The following CA10 variants were observed in gnomAD, a reference collection of about 807,000 sequenced individuals.
The protein encoded by CA10 is carbonic anhydrase 10 (inactive).
A neutral mutation model predicts 44.2 loss-of-function variants in CA10; 14 were observed. The ratio of observed to expected loss-of-function variants is 0.32; its 90% CI spans 0.21 to 0.50. The LOEUF (loss-of-function observed/expected upper bound fraction) is 0.50. Among genes scored for constraint, CA10 ranks in the 20% least tolerant of loss-of-function variants. The probability of loss-of-function intolerance (pLI) is 0.99; values close to 1 mark genes in which losing one functional copy is unlikely to be tolerated. For synonymous variants in CA10, 159 were observed against 141.6 expected (o/e 1.12, Z -0.87); for missense variants, 350 against 409.7 (o/e 0.85, Z 1.26).
chr17:51,915,031 A>G (rs1015831767), intron 3 of CA10, among the ~76,000 whole-genome samples: 4 of 152,074 alleles, frequency 2.6e-5, no homozygotes, highest in African/African-American at 7.2e-5. Context: ...TTTAGAATTC[A>G]TCTATTTATT....
chr17:52,099,769 G>T (rs1988493518), intron 1 of CA10, among the ~76,000 whole-genome samples: 1 of 152,210 alleles, frequency 6.6e-6, no homozygotes, highest in Non-Finnish European at 1.5e-5. Flanking sequence ...GACCAGCAAA[G>T]GAATTTGAGA....
At chr17:51,852,981 C>T (rs1350538728) in intron 3 of CA10, among the ~76,000 whole-genome samples, 2 of 151,788 alleles carry the variant, frequency 1.3e-5, no homozygotes, top group African/African-American at 4.9e-5. Flanking sequence ...CCTAATTTGT[C>T]TAAGCTGTTT....
At chr17:51,980,552 T>C (rs992955861) in intron 2 of CA10, among the ~76,000 whole-genome samples, 3 of 152,180 alleles carry the variant, frequency 2.0e-5, no homozygotes, top group African/African-American at 7.2e-5. Flanking sequence ...TTTGCTTTTG[T>C]TGCAATTGAT....
chr17:51,841,138 C>A (rs1470348763), intron 3 of CA10, among the ~76,000 whole-genome samples: 1 of 152,152 alleles, frequency 6.6e-6, no homozygotes, highest in Non-Finnish European at 1.5e-5. Context: ...AAGACTAGCT[C>A]TTTTGGTTCC....
At chr17:51,678,486 T>A (rs1914709477) in intron 4 of CA10, among the ~76,000 whole-genome samples, 2 of 152,252 alleles carry the variant, frequency 1.3e-5, no homozygotes, top group Admixed American at 6.5e-5. Context: ...ATTTTACTTC[T>A]GTTGCTTCTG....
At chr17:51,989,283 T>C (rs1288399303) in intron 2 of CA10, among the ~76,000 whole-genome samples, 1 of 151,854 alleles carries the variant, frequency 6.6e-6, no homozygotes, top group African/African-American at 2.4e-5. Context: ...CTAGTATCCA[T>C]TAGTTATTTT....
chr17:52,050,329 G>A (rs908244345), intron 2 of CA10, among the ~76,000 whole-genome samples: 20 of 151,812 alleles, frequency 1.3e-4, no homozygotes, highest in African/African-American at 4.1e-4. Flanking sequence ...TCAATTTATC[G>A]CTCTCTTTAC....
At position 51,760,681 on chromosome 17, in the gene CA10, T is replaced by C. The variant is rs138411525; in HGVS notation, c.280-12863A>G. Among the ~76,000 whole-genome samples the C allele has an allele frequency of 4.0e-3, 616 of 152,334 alleles. 2 individuals are homozygous for C. The highest frequency in any genetic ancestry group is 5.8e-3 in the South Asian group (28 of 4,816). On this transcript the variant is annotated intron_variant, in intron 3 of 8. Coordinates refer to ENST00000451037, the MANE Select transcript of CA10 (RefSeq NM_020178.5). ...TTTTAAAATGAAATGAAAGACTCTG[T>C]AGACAATCACATCTGATGGTATAAC...
intron 4 of CA10, among the ~76,000 whole-genome samples, chr17:51,686,864 C>A (rs1915027774): frequency 6.6e-6 from 1 of 152,188 alleles, no homozygotes; most frequent in African/African-American, 2.4e-5. Context: ...TCACTACCTA[C>A]AGCTACTCCA....
At chr17:51,755,615 C>A (rs1905052742) in intron 3 of CA10, among the ~76,000 whole-genome samples, 1 of 152,128 alleles carries the variant, frequency 6.6e-6, no homozygotes, top group African/African-American at 2.4e-5. Context: ...TTCAGTCATG[C>A]AGAAGGAAGA....
intron 2 of CA10, among the ~76,000 whole-genome samples, chr17:52,010,148 G>A (rs1448080832): frequency 6.6e-6 from 1 of 151,964 alleles, no homozygotes; most frequent in Non-Finnish European, 1.5e-5. Context: ...TTACACCGTT[G>A]GTGGGAATGT....
intron 3 of CA10, among the ~76,000 whole-genome samples, chr17:51,808,174 C>T (rs538825863): frequency 9.9e-5 from 15 of 152,274 alleles, no homozygotes; most frequent in African/African-American, 3.6e-4. Flanking sequence ...CTTGAAAAAG[C>T]TGCTGGTTTT....
intron 1 of CA10, among the ~76,000 whole-genome samples, chr17:52,130,029 T>A (rs1045797201): frequency 6.6e-6 from 1 of 152,112 alleles, no homozygotes; most frequent in African/African-American, 2.4e-5. Context: ...TATAAAGAGC[T>A]AACAGGTATA....
intron 2 of CA10, among the ~76,000 whole-genome samples, chr17:51,989,355 C>T (rs975997433): frequency 6.6e-6 from 1 of 151,886 alleles, no homozygotes; most frequent in Admixed American, 6.6e-5. Context: ...TGTGTTGTTC[C>T]CCTGTAAGTG....
intron 3 of CA10, among the ~76,000 whole-genome samples, chr17:51,867,802 A>T (rs6504751): frequency 6.6e-6 from 1 of 152,000 alleles, no homozygotes; most frequent in Non-Finnish European, 1.5e-5. Context: ...CAGAATGTGG[A>T]GTTCTGCCTC....
intron 3 of CA10, among the ~76,000 whole-genome samples, chr17:51,884,173 C>CT (rs1488422278): frequency 5.3e-5 from 8 of 152,170 alleles, no homozygotes; most frequent in African/African-American, 1.9e-4. Context: ...CACAGCCACC[C>CT]TTTCCCTGGA....
At chr17:51,913,731 T>C (rs1477989877) in intron 3 of CA10, among the ~76,000 whole-genome samples, 1 of 152,048 alleles carries the variant, frequency 6.6e-6, no homozygotes, top group Non-Finnish European at 1.5e-5. Flanking sequence ...GGGATGACCC[T>C]GGGAGGCTGG....
intron 3 of CA10, among the ~76,000 whole-genome samples, chr17:51,808,865 A>G (rs1406655173): frequency 6.6e-6 from 1 of 152,212 alleles, no homozygotes; most frequent in African/African-American, 2.4e-5. Flanking sequence ...TCCCAAATTT[A>G]CTTTAAAGAA....
At chr17:51,880,580 G>A (rs1241486551) in intron 3 of CA10, among the ~76,000 whole-genome samples, 1 of 152,246 alleles carries the variant, frequency 6.6e-6, no homozygotes, top group South Asian at 2.1e-4. Flanking sequence ...GGGAGTATAG[G>A]TGTGAGACAT....
Sources: allele counts gnomAD v4.1 joint callset (sites outside exome capture counted in the v4.1 genomes callset), GRCh38; gene constraint gnomAD v4.1.1; transcripts MANE v1.5; gene names NCBI Gene and HGNC (gene_info 2026-07-23, HGNC 2026-07-21).